Variants in GRID1 observed in about 807,000 individuals in gnomAD.
The protein encoded by GRID1 is glutamate ionotropic receptor delta type subunit 1, also known as glutamate receptor ionotropic, delta-1.
Under a neutral mutation model 98.0 loss-of-function variants are expected in GRID1, and 28 were observed. The observed-to-expected ratio is 0.29, with a 90% CI of 0.21 to 0.39. The LOEUF is 0.39. GRID1 is among the 10% of genes least tolerant of loss of function. The pLI is 1.00. For missense variants in GRID1, 1,111 were observed against 1,340.5 expected (o/e 0.83, Z 2.67); for synonymous variants, 553 against 538.5 (o/e 1.03, Z -0.37).
intron 4 of GRID1, among the ~76,000 whole-genome samples, chr10:86,065,911 A>G (rs1329007215): frequency 2.0e-5 from 3 of 152,258 alleles, no homozygotes; most frequent in African/African-American, 4.8e-5. Flanking sequence ...GAAACTGTAC[A>G]GACTGGGAGG....
intron 4 of GRID1, among the ~76,000 whole-genome samples, chr10:85,985,150 C>A (rs1322751064): frequency 6.6e-6 from 1 of 152,158 alleles, no homozygotes; most frequent in African/African-American, 2.4e-5. Flanking sequence ...AAATTGCACC[C>A]AAATTAGAAC....
intron 4 of GRID1, among the ~76,000 whole-genome samples, chr10:85,983,229 G>GT (rs1372268493): frequency 6.6e-6 from 1 of 152,222 alleles, no homozygotes; most frequent in East Asian, 1.9e-4. Context: ...AGGAAATGGA[G>GT]TCTCTGTCAC....
chr10:85,753,974 C>T (rs1307504839), intron 8 of GRID1, among the ~76,000 whole-genome samples: 1 of 152,160 alleles, frequency 6.6e-6, no homozygotes, highest in African/African-American at 2.4e-5. Context: ...AGCACCAGTG[C>T]TAATGCACAT....
intron 8 of GRID1, among the ~76,000 whole-genome samples, chr10:85,731,613 C>A (rs117002031): frequency 0.016 from 2,417 of 151,854 alleles, 66 homozygotes; most frequent in African/African-American, 0.054. Flanking sequence ...CCAGCCTGGG[C>A]AATGTGGTGA....
chr10:86,139,441 G>A (rs1176765361), intron 3 of GRID1, among the ~76,000 whole-genome samples: 1 of 152,084 alleles, frequency 6.6e-6, no homozygotes, highest in Non-Finnish European at 1.5e-5. Context: ...ACCAACCATG[G>A]CCAGCTGAGG....
intron 3 of GRID1, among the ~76,000 whole-genome samples, chr10:86,167,172 T>C (rs548959211): frequency 7.9e-5 from 12 of 152,312 alleles, no homozygotes; most frequent in Admixed American, 4.6e-4. Context: ...CACTGATCTA[T>C]TGGGGGACCA....
chr10:85,964,226 A>T (rs1842307934), intron 4 of GRID1, among the ~76,000 whole-genome samples: 2 of 152,228 alleles, frequency 1.3e-5, no homozygotes, highest in African/African-American at 4.8e-5. Context: ...TAATTTATGG[A>T]CTCAATGCTA....
intron 15 of GRID1, among the ~76,000 whole-genome samples, chr10:85,604,570 TGTG>T (rs1272253422): frequency 6.6e-6 from 1 of 152,138 alleles, no homozygotes; most frequent in Non-Finnish European, 1.5e-5. Flanking sequence ...GTCGGGAAAT[TGTG>T]GGAACTGGCT....
rs1159612696 is a variant in GRID1, at chr10:85,654,010, G to A, written c.1998-6613C>T. ...CTCCTTTGTATCCAAAGCCTAGTCG[G>A]TGTGATTCTGAGTAGTGAGCAGAGG... On this transcript the variant is annotated intron_variant, in intron 12 of 15. Coordinates refer to ENST00000327946, the MANE Select transcript of GRID1 (RefSeq NM_017551.3). 2.0e-5 allele frequency among the ~76,000 whole-genome samples: 3 copies of A among 152,326 alleles called. No individual in the cohort carries two copies. The East Asian group carries it at 5.8e-4, about 29-fold the overall frequency.
chr10:86,300,533 G>A (rs185648134), intron 2 of GRID1, among the ~76,000 whole-genome samples: 1 of 40,330 alleles, frequency 2.5e-5, no homozygotes, highest in Non-Finnish European at 7.3e-5. Context: ...AGGGAGGGGA[G>A]GGGAGGGGAG....
intron 8 of GRID1, among the ~76,000 whole-genome samples, chr10:85,795,617 G>A (rs1842519368): frequency 6.6e-6 from 1 of 152,146 alleles, no homozygotes. Flanking sequence ...TTAATTTAGG[G>A]AAAACAATTA....
At chr10:85,961,154 T>G (rs1300805834) in intron 4 of GRID1, among the ~76,000 whole-genome samples, 1 of 152,118 alleles carries the variant, frequency 6.6e-6, no homozygotes, top group Non-Finnish European at 1.5e-5. Context: ...ACATTCACAG[T>G]ATCGCTCTGA....
At chr10:86,148,904 G>A (rs1035992860) in intron 3 of GRID1, among the ~76,000 whole-genome samples, 1 of 152,138 alleles carries the variant, frequency 6.6e-6, no homozygotes, top group Non-Finnish European at 1.5e-5. Context: ...ACCTCTCTGA[G>A]CCTATTTCCT....
chr10:86,302,061 T>C lies in GRID1; in HGVS notation c.235+61880A>G, dbSNP rs558432004. Among the ~76,000 whole-genome samples, 28 of 152,302 alleles carry C rather than the reference T, an allele frequency of 1.8e-4. No individual in the cohort carries two copies. The South Asian group carries it at 5.6e-3, about 30-fold the overall frequency. On this transcript the variant is annotated intron_variant, in intron 2 of 15. Coordinates refer to ENST00000327946, the MANE Select transcript of GRID1 (RefSeq NM_017551.3). Reference sequence around the variant, plus strand: ...CCTGGCTCCCAGCCCGCCACCTACTTCTGTGCTAAAAGCCTCACTTGGCTC... The same window carrying C: ...CCTGGCTCCCAGCCCGCCACCTACTCCTGTGCTAAAAGCCTCACTTGGCTC...
chr10:85,677,186 A>G (rs1358859012), intron 12 of GRID1, among the ~76,000 whole-genome samples: 1 of 152,170 alleles, frequency 6.6e-6, no homozygotes, highest in East Asian at 1.9e-4. Flanking sequence ...ACAAAATCTC[A>G]AGGGCCAAAC....
intron 8 of GRID1, among the ~76,000 whole-genome samples, chr10:85,770,132 C>T (rs1259607735): frequency 6.6e-6 from 1 of 152,148 alleles, no homozygotes; most frequent in Non-Finnish European, 1.5e-5. Context: ...AACAAAACTT[C>T]CAGAGGAACG....
intron 3 of GRID1, among the ~76,000 whole-genome samples, chr10:86,177,334 A>G (rs978761074): frequency 6.6e-6 from 1 of 152,196 alleles, no homozygotes; most frequent in African/African-American, 2.4e-5. Context: ...ACCCTGCTCA[A>G]CATTCAACTT....
At chr10:85,743,999 A>G (rs1841974513) in intron 8 of GRID1, among the ~76,000 whole-genome samples, 2 of 152,190 alleles carry the variant, frequency 1.3e-5, no homozygotes, top group East Asian at 1.9e-4. Context: ...ATTCAAAAAT[A>G]AAATATTTTT....
At chr10:86,284,572 C>T (rs1847402415) in intron 2 of GRID1, among the ~76,000 whole-genome samples, 1 of 152,230 alleles carries the variant, frequency 6.6e-6, no homozygotes, top group Non-Finnish European at 1.5e-5. Context: ...TGCCAGCTCC[C>T]AGGTGGGGGC....
Sources: gnomAD v4.1 joint callset for allele counts (sites outside exome capture counted in the v4.1 genomes callset) on GRCh38, gnomAD v4.1.1 for gene constraint, MANE v1.5 for transcripts, NCBI Gene and HGNC (gene_info 2026-07-23, HGNC 2026-07-21) for gene names.